MAPK10: variants seen among roughly 807,000 people sequenced by gnomAD.
MAPK10 encodes JNK3 alpha protein kinase.
MAPK10 carries 25 observed loss-of-function variants against 59.3 expected under a neutral mutation model. That is an observed-to-expected ratio of 0.42 (90% CI 0.31 to 0.59). The LOEUF is 0.59. Among genes scored for constraint, MAPK10 ranks in the 20% least tolerant of loss-of-function variants. The pLI is 0.15. For missense variants in MAPK10, 351 were observed against 568.9 expected, an observed-to-expected ratio of 0.62 and a Z score of 3.90; for synonymous variants, 190 against 200.5, an observed-to-expected ratio of 0.95 and a Z score of 0.44.
At chr4:86,563,343 A>G (rs1760818843) in intron 1 of MAPK10, among the ~76,000 whole-genome samples, 1 of 151,400 alleles carries the variant, frequency 6.6e-6, no homozygotes, top group African/African-American at 2.4e-5. Flanking sequence ...TGAGGGAGGT[A>G]AAAAAAAATG....
chr4:86,160,280 T>C (rs1347165545), intron 3 of MAPK10: 12 of 151,992 alleles, frequency 7.9e-5, no homozygotes, highest in Admixed American at 7.9e-4. Flanking sequence ...GATCTTATAT[T>C]GTACTTATGA....
intron 2 of MAPK10, among the ~76,000 whole-genome samples, chr4:86,196,024 A>C (rs890504190): frequency 1.3e-5 from 2 of 152,206 alleles, no homozygotes; most frequent in Admixed American, 6.5e-5. Flanking sequence ...TGCTGCAATA[A>C]ACATAAGTGT....
intron 2 of MAPK10, among the ~76,000 whole-genome samples, chr4:86,202,553 T>C (rs1428668892): frequency 6.6e-6 from 1 of 151,954 alleles, no homozygotes; most frequent in Admixed American, 6.6e-5. Flanking sequence ...TCTCCTCATA[T>C]TGAAACCTGT....
intron 1 of MAPK10, among the ~76,000 whole-genome samples, chr4:86,508,577 C>G (rs1159430489): frequency 1.3e-5 from 2 of 152,140 alleles, no homozygotes; most frequent in African/African-American, 4.8e-5. Flanking sequence ...TTTGTTTGAT[C>G]TGCATGGCTG....
chr4:86,570,197 A>G (rs914077892), intron 1 of MAPK10, among the ~76,000 whole-genome samples: 1 of 152,198 alleles, frequency 6.6e-6, no homozygotes, highest in African/African-American at 2.4e-5. Flanking sequence ...AACTCAAAAT[A>G]TGGTAGACAA....
At chr4:86,495,351 A>G (rs879428878) in intron 1 of MAPK10, among the ~76,000 whole-genome samples, 5 of 152,362 alleles carry the variant, frequency 3.3e-5, no homozygotes, top group Non-Finnish European at 5.9e-5. Context: ...ACCATCCAGT[A>G]CCAAGCCCAT....
chr4:86,135,527 A>T (rs945124437), intron 4 of MAPK10, among the ~76,000 whole-genome samples: 6 of 152,078 alleles, frequency 3.9e-5, no homozygotes, highest in Non-Finnish European at 7.4e-5. Flanking sequence ...CACACCAAAA[A>T]CCCATCTGTA....
In MAPK10 at chr4:86,059,305, C is replaced by T. The variant is rs183508300; in HGVS notation, c.1110+4961G>A. ...AAATAGCTTAATATAGCCAGGTTAA[C>T]TTGTTTCTATAAATTCTTTCACCGT... On this transcript the variant is annotated intron_variant, in intron 11 of 13. Coordinates refer to ENST00000641462, the MANE Select transcript of MAPK10 (RefSeq NM_138982.4). Among the ~76,000 whole-genome samples, 560 of 152,248 alleles carry T rather than the reference C, an allele frequency of 3.7e-3. 1 individual carries two copies. The highest frequency in any genetic ancestry group is 6.7e-3 in the Non-Finnish European group (457 of 68,016).
intron 3 of MAPK10, among the ~76,000 whole-genome samples, chr4:86,186,682 C>T (rs1413298835): frequency 3.3e-5 from 5 of 152,118 alleles, no homozygotes; most frequent in African/African-American, 4.8e-5. Flanking sequence ...TGAAGGGAAG[C>T]TCTCTGCTTA....
At chr4:86,045,186 T>A (rs2042268564) in intron 11 of MAPK10, among the ~76,000 whole-genome samples, 1 of 151,842 alleles carries the variant, frequency 6.6e-6, no homozygotes, top group Non-Finnish European at 1.5e-5. Context: ...GATTTATTTA[T>A]TAGCTCTACA....
At chr4:86,313,055 A>G (rs2095702494) in intron 2 of MAPK10, among the ~76,000 whole-genome samples, 1 of 152,134 alleles carries the variant, frequency 6.6e-6, no homozygotes, top group Non-Finnish European at 1.5e-5. Context: ...ATACATACAT[A>G]TGCATATATA....
intron 2 of MAPK10, among the ~76,000 whole-genome samples, chr4:86,271,973 C>T (rs983976551): frequency 1.3e-5 from 2 of 151,898 alleles, no homozygotes; most frequent in African/African-American, 4.8e-5. Flanking sequence ...ATTTTTCAAC[C>T]CTTGCCCCCT....
chr4:86,129,713 G>A (rs1239590655), intron 4 of MAPK10, among the ~76,000 whole-genome samples: 1 of 152,022 alleles, frequency 6.6e-6, no homozygotes, highest in Non-Finnish European at 1.5e-5. Context: ...CCAGTTTACT[G>A]ACCCCAAATG....
At chr4:86,025,317 C>A (rs1041895342) in intron 13 of MAPK10, 1 of 389,622 alleles carries the variant, frequency 2.6e-6, no homozygotes, top group Non-Finnish European at 4.5e-6. Context: ...CCCTCTATTG[C>A]GCTATAATAA....
chr4:86,427,803 T>C (rs188015840), intron 1 of MAPK10, among the ~76,000 whole-genome samples: 311 of 152,316 alleles, frequency 2.0e-3, no homozygotes, highest in African/African-American at 7.0e-3. Flanking sequence ...ACAAAATGTA[T>C]AGCTATCTTA....
intron 1 of MAPK10, among the ~76,000 whole-genome samples, chr4:86,556,307 AT>A (rs1295380128): frequency 6.6e-6 from 1 of 152,226 alleles, no homozygotes; most frequent in Non-Finnish European, 1.5e-5. Flanking sequence ...TTTTATTCAT[AT>A]TCATCTCTCC....
intron 1 of MAPK10, among the ~76,000 whole-genome samples, chr4:86,572,289 T>C (rs887983243): frequency 2.6e-5 from 4 of 152,178 alleles, no homozygotes; most frequent in Non-Finnish European, 4.4e-5. Flanking sequence ...AAGGATATCA[T>C]AGGATTCCTT....
chr4:86,251,942 T>C lies in MAPK10; in HGVS notation c.-6-57535A>G, dbSNP rs377427672. 1.6e-5 allele frequency among the ~76,000 whole-genome samples: 2 copies of C among 122,978 alleles called. 1 individual carries two copies. Among genetic ancestry groups the C allele is most frequent in the African/African-American group, 9.6e-5 (2 of 20,890 alleles). 80.7% of individuals were successfully genotyped at this position (122,978 alleles called of 152,430 possible). On this transcript the variant is annotated intron_variant, in intron 2 of 13. Transcript: ENST00000641462. ...TGATGGCCAGTGATGATGAGCATTT[T>C]TTCATGTGTTTTTTGGCTGCATAAA...
intron 11 of MAPK10, among the ~76,000 whole-genome samples, chr4:86,060,067 T>C (rs1472267460): frequency 6.6e-6 from 1 of 152,170 alleles, no homozygotes; most frequent in Non-Finnish European, 1.5e-5. Flanking sequence ...TTCAACACAA[T>C]GGTCTATCTG....
Sources: gnomAD v4.1 joint callset for allele counts (sites outside exome capture counted in the v4.1 genomes callset) on GRCh38, gnomAD v4.1.1 for gene constraint, MANE v1.5 for transcripts, NCBI Gene and HGNC (gene_info 2026-07-23, HGNC 2026-07-21) for gene names.